CADM1: variants seen among roughly 807,000 people sequenced by gnomAD.
CADM1 encodes the protein cell adhesion molecule 1.
Under a neutral mutation model 53.1 loss-of-function variants are expected in CADM1, and 15 were observed. That is an observed-to-expected ratio of 0.28 (90% CI 0.19 to 0.44). The LOEUF is 0.44. CADM1 is among the 20% of genes least tolerant of loss of function. CADM1 has a pLI of 1.00. For missense variants in CADM1, 434 were observed against 611.3 expected (o/e 0.71, Z 3.06); for synonymous variants, 281 against 243.0 (o/e 1.16, Z -1.45).
intron 9 of CADM1, among the ~76,000 whole-genome samples, chr11:115,196,443 G>A (rs1940148914): frequency 6.6e-6 from 1 of 151,920 alleles, no homozygotes; most frequent in Admixed American, 6.6e-5. Context: ...GAGACAAATG[G>A]TCAATATTTC....
intron 8 of CADM1, among the ~76,000 whole-genome samples, chr11:115,206,418 G>T (rs1591603093): frequency 6.6e-6 from 1 of 152,250 alleles, no homozygotes; most frequent in East Asian, 1.9e-4. Context: ...TATGATTCTG[G>T]GTGGGCAAAG....
chr11:115,496,868 T>C (rs1459099835), intron 1 of CADM1, among the ~76,000 whole-genome samples: 1 of 152,180 alleles, frequency 6.6e-6, no homozygotes, highest in Non-Finnish European at 1.5e-5. Context: ...TTGGTAATAA[T>C]GGAGACTTTG....
At chr11:115,474,400 G>C (rs1020130627) in intron 1 of CADM1, among the ~76,000 whole-genome samples, 6 of 150,414 alleles carry the variant, frequency 4.0e-5, no homozygotes, top group Admixed American at 1.3e-4. Flanking sequence ...AACATCAGTA[G>C]TCATTTATTG....
intron 1 of CADM1, among the ~76,000 whole-genome samples, chr11:115,446,152 C>G (rs1184737276): frequency 6.6e-6 from 1 of 152,112 alleles, no homozygotes; most frequent in African/African-American, 2.4e-5. Flanking sequence ...AGAACACCTA[C>G]TATGTGCTAG....
intron 1 of CADM1, chr11:115,397,570 T>A (rs1000311200): frequency 6.6e-6 from 1 of 152,200 alleles, no homozygotes; most frequent in Non-Finnish European, 1.5e-5. Flanking sequence ...AACTGATATG[T>A]AACCCAAGGC....
At chr11:115,493,134 A>G (rs2135431252) in intron 1 of CADM1, among the ~76,000 whole-genome samples, 1 of 152,248 alleles carries the variant, frequency 6.6e-6, no homozygotes, top group East Asian at 1.9e-4. Context: ...GTAAACATAG[A>G]TATCTTCTTG....
At chr11:115,485,715 T>A (rs970992580) in intron 1 of CADM1, among the ~76,000 whole-genome samples, 1 of 152,244 alleles carries the variant, frequency 6.6e-6, no homozygotes, top group African/African-American at 2.4e-5. Flanking sequence ...CATGGAACTG[T>A]GAGTCCATTA....
chr11:115,229,319 A>T (rs1470674675), intron 4 of CADM1, 48 bp from the exon 5 acceptor site: 2 of 1,598,234 alleles, frequency 1.3e-6, no homozygotes, highest in Non-Finnish European at 1.7e-6. Context: ...GTGAATTTCC[A>T]TCAGTTTGTT....
intron 1 of CADM1, among the ~76,000 whole-genome samples, chr11:115,360,540 G>A (rs974941293): frequency 3.9e-5 from 6 of 152,106 alleles, no homozygotes; most frequent in African/African-American, 9.7e-5. Flanking sequence ...AAGCGACTAC[G>A]GCAGATGAAA....
At chr11:115,403,812 GTCTCGAACTCCTGACCTCA>G (rs1308410190) in intron 1 of CADM1, among the ~76,000 whole-genome samples, 1 of 151,380 alleles carries the variant, frequency 6.6e-6, no homozygotes, top group Non-Finnish European at 1.5e-5. Flanking sequence ...GGCCAGGCTG[GTCTCGAACTCCTGACCTCA>G]AGTGATCTGC....
chr11:115,497,658 A>G (rs898403498), intron 1 of CADM1, among the ~76,000 whole-genome samples: 2 of 152,236 alleles, frequency 1.3e-5, no homozygotes, highest in Non-Finnish European at 2.9e-5. Flanking sequence ...TGAAATTTAA[A>G]CAAGGAGGTG....
At chr11:115,351,524 T>C (rs1230209066) in intron 1 of CADM1, among the ~76,000 whole-genome samples, 1 of 152,192 alleles carries the variant, frequency 6.6e-6, no homozygotes, top group African/African-American at 2.4e-5. Context: ...CCAACATCAG[T>C]AAGACTGAAA....
intron 1 of CADM1, among the ~76,000 whole-genome samples, chr11:115,455,538 T>A (rs1011267274): frequency 6.6e-6 from 1 of 152,154 alleles, no homozygotes; most frequent in Non-Finnish European, 1.5e-5. Flanking sequence ...ATTGCAACTG[T>A]GGAAAAGATT....
At chr11:115,258,953 T>C (rs573904990) in intron 1 of CADM1, among the ~76,000 whole-genome samples, 1 of 152,294 alleles carries the variant, frequency 6.6e-6, no homozygotes, top group African/African-American at 2.4e-5. Context: ...TTTTAATTTT[T>C]TTAAAGAACA....
chr11:115,197,048 T>G (rs1940192167), intron 9 of CADM1, among the ~76,000 whole-genome samples: 1 of 152,150 alleles, frequency 6.6e-6, no homozygotes, highest in Non-Finnish European at 1.5e-5. Flanking sequence ...CTTTTCCCTT[T>G]GCACCAATGA....
intron 2 of CADM1, among the ~76,000 whole-genome samples, chr11:115,239,928 A>G (rs777580706): frequency 3.9e-5 from 6 of 152,128 alleles, no homozygotes; most frequent in African/African-American, 1.4e-4. Flanking sequence ...GGAAACTTCA[A>G]TCTTCAAACC....
intron 1 of CADM1, among the ~76,000 whole-genome samples, chr11:115,497,831 G>T (rs1459331907): frequency 6.6e-6 from 1 of 152,098 alleles, no homozygotes; most frequent in Admixed American, 6.5e-5. Context: ...GGTGCAGGGG[G>T]CAGGTTTTCA....
At chr11:115,186,670 T>C (rs1262640776) in intron 10 of CADM1, among the ~76,000 whole-genome samples, 1 of 152,162 alleles carries the variant, frequency 6.6e-6, no homozygotes, top group Non-Finnish European at 1.5e-5. Flanking sequence ...CTTAACAATC[T>C]CAGGAGATTT....
intron 11 of CADM1, among the ~76,000 whole-genome samples, chr11:115,176,954 CACGT>C (rs1413366531): frequency 2.0e-5 from 3 of 152,174 alleles, no homozygotes; most frequent in Non-Finnish European, 2.9e-5. Context: ...CAGATATGTG[CACGT>C]ACATTGTTAA....
Sources: gnomAD v4.1 joint callset for allele counts (sites outside exome capture counted in the v4.1 genomes callset) on GRCh38, gnomAD v4.1.1 for gene constraint, MANE v1.5 for transcripts, NCBI Gene and HGNC (gene_info 2026-07-23, HGNC 2026-07-21) for gene names.